The following CFAP77 variants were observed in gnomAD, a reference collection of about 807,000 sequenced individuals.
CFAP77 encodes the protein cilia- and flagella-associated protein 77.
In CFAP77, 25 loss-of-function variants were observed where a neutral mutation model predicts 31.1. The ratio of observed to expected loss-of-function variants is 0.80; its 90% confidence interval spans 0.59 to 1.12. The LOEUF (loss-of-function observed/expected upper bound fraction) is 1.12. Ranked by LOEUF, CFAP77 falls within the 50% of genes most tolerant of loss-of-function variation. The probability of loss-of-function intolerance (pLI) is 0.00; values close to 1 mark genes in which losing one functional copy is unlikely to be tolerated. For synonymous variants in CFAP77, 151 were observed against 159.9 expected, an observed-to-expected ratio of 0.94 and a Z score of 0.42; for missense variants, 377 against 397.3, an observed-to-expected ratio of 0.95 and a Z score of 0.44.
intron 3 of CFAP77, among the ~76,000 whole-genome samples, 196 bp from the exon 4 acceptor site, chr9:132,537,405 A>G (rs901529567): frequency 2.6e-5 from 4 of 152,178 alleles, no homozygotes; most frequent in Non-Finnish European, 4.4e-5. Context: ...CCACCGTCCC[A>G]GGCCCACCAC....
chr9:132,570,460 C>T (rs900660715), intron 5 of CFAP77, among the ~76,000 whole-genome samples: 80 of 152,332 alleles, frequency 5.3e-4, no homozygotes, highest in Non-Finnish European at 4.0e-4. Context: ...GCTGGGACTA[C>T]GACTGGTGCT....
Position 132,420,219 on chromosome 9 carries a change from G to C in CFAP77, c.195+9753G>C, listed in dbSNP as rs115144595. ...AGAGGCCAGAATGCCACGTTTAAGC[G>C]TTGAGGCAGGAGCAGTATTGGGGCT... On this transcript the variant is annotated intron_variant, in intron 1 of 5. Transcript: ENST00000393216. Among the ~76,000 whole-genome samples, 6 of 151,452 alleles carry C rather than the reference G, an allele frequency of 4.0e-5. No homozygotes were observed. In the East Asian group the frequency reaches 1.2e-3, roughly 30 times the overall value.
At chr9:132,560,104 G>A (rs1345814945) in intron 5 of CFAP77, among the ~76,000 whole-genome samples, 1 of 152,204 alleles carries the variant, frequency 6.6e-6, no homozygotes, top group Non-Finnish European at 1.5e-5. Context: ...GGGTGTGGAG[G>A]TGGGTTGTAC....
At position 132,541,571 on chromosome 9, in the gene CFAP77, A is replaced by G. The variant is rs546379611; in HGVS notation, c.631-1375A>G. On this transcript the variant is annotated intron_variant, in intron 4 of 5. Transcript: ENST00000393216. ...AAACCCTGTCTTTACTAAAAACACA[A>G]AAATTAGCTGGGCGTGGTGGTGGTT... Among the ~76,000 whole-genome samples the G allele has an allele frequency of 9.3e-4, 141 of 152,304 alleles. 1 individual carries two copies. Among genetic ancestry groups the G allele is most frequent in the African/African-American group, 3.2e-3 (131 of 41,572 alleles).
At position 132,451,561 on chromosome 9, in the gene CFAP77, G is replaced by A. The variant is rs115008397; in HGVS notation, c.195+41095G>A. Among the ~76,000 whole-genome samples the A allele has an allele frequency of 8.2e-5, 12 of 147,048 alleles. 1 individual carries two copies. The highest frequency in any genetic ancestry group is 6.6e-4 in the South Asian group (3 of 4,580). On this transcript the variant is annotated intron_variant, in intron 1 of 5. Coordinates refer to ENST00000393216, the MANE Select transcript of CFAP77 (RefSeq NM_001282957.2). ...TCATTTGAACTAGTGAGTGTACCTC[G>A]TCAGCCACCCAGCATCTACACTGCC... is the stretch of plus-strand genomic sequence containing the variant.
intron 1 of CFAP77, among the ~76,000 whole-genome samples, chr9:132,453,498 C>T (rs1850865393): frequency 6.6e-6 from 1 of 152,204 alleles, no homozygotes; most frequent in Admixed American, 6.5e-5. Flanking sequence ...TGCACTCCAG[C>T]CTGGGCGACA....
intron 5 of CFAP77, among the ~76,000 whole-genome samples, chr9:132,560,002 T>A (rs1032211142): frequency 2.0e-5 from 3 of 151,982 alleles, no homozygotes; most frequent in Admixed American, 2.0e-4. Flanking sequence ...AGGAAATAGA[T>A]TAGTGGTTGC....
At chr9:132,442,691 T>G (rs893316103) in intron 1 of CFAP77, among the ~76,000 whole-genome samples, 2 of 152,044 alleles carry the variant, frequency 1.3e-5, no homozygotes, top group Non-Finnish European at 2.9e-5. Flanking sequence ...TCGCATGATA[T>G]TCGATCATTT....
intron 3 of CFAP77, among the ~76,000 whole-genome samples, chr9:132,524,057 G>C (rs1409260054): frequency 6.6e-6 from 1 of 151,814 alleles, no homozygotes; most frequent in Middle Eastern, 3.2e-3. Context: ...GGCTGGTCTT[G>C]AACTCCTGAG....
intron 5 of CFAP77, among the ~76,000 whole-genome samples, chr9:132,555,761 G>A (rs1410897408): frequency 1.3e-5 from 2 of 152,072 alleles, no homozygotes; most frequent in East Asian, 1.9e-4. Context: ...CCCCAGCCCT[G>A]TGTGGTCCTG....
At chr9:132,530,518 G>GC (rs775186452) in intron 3 of CFAP77, among the ~76,000 whole-genome samples, 1 of 152,068 alleles carries the variant, frequency 6.6e-6, no homozygotes, top group Admixed American at 6.6e-5. Context: ...CAGGTGATCT[G>GC]CCCCCCTCGG....
intron 1 of CFAP77, among the ~76,000 whole-genome samples, chr9:132,459,113 C>G (rs868632895): frequency 3.5e-4 from 53 of 151,396 alleles, no homozygotes; most frequent in African/African-American, 1.1e-3. Context: ...GCTCTGTTGC[C>G]CAGGCTGGAG....
chr9:132,433,146 G>A (rs1850442257), intron 1 of CFAP77, among the ~76,000 whole-genome samples: 1 of 152,242 alleles, frequency 6.6e-6, no homozygotes, highest in African/African-American at 2.4e-5. Flanking sequence ...CACCATGTCA[G>A]GACCCTTGAT....
rs905364045 is a variant in CFAP77, at chr9:132,565,648, T to C, written c.733-6740T>C. ...CCCCTTCTTAAAAAAAAAAAGAAGA[T>C]AGCTCTTGTCTAAATGTCACAAACA... On this transcript the variant is annotated intron_variant, in intron 5 of 5. Coordinates refer to ENST00000393216, the MANE Select transcript of CFAP77 (RefSeq NM_001282957.2). This position sits in a 1 kb window ranked among gnomAD's most constrained non-coding sequence, Gnocchi z 4.1. 4.6e-5 allele frequency among the ~76,000 whole-genome samples: 7 copies of C among 151,830 alleles called. No homozygotes were observed. Among genetic ancestry groups the C allele is most frequent in the Non-Finnish European group, 1.0e-4 (7 of 67,954 alleles).
intron 1 of CFAP77, among the ~76,000 whole-genome samples, chr9:132,434,739 C>A (rs1850474093): frequency 6.6e-6 from 1 of 152,124 alleles, no homozygotes; most frequent in Admixed American, 6.5e-5. Flanking sequence ...ATGAGCAGTG[C>A]AAACGGATAT....
At chr9:132,503,132 C>T (rs1298947924) in intron 3 of CFAP77, among the ~76,000 whole-genome samples, 4 of 152,202 alleles carry the variant, frequency 2.6e-5, no homozygotes, top group African/African-American at 4.8e-5. Context: ...CTTGGAAAGT[C>T]ACTTCGGGGC....
chr9:132,525,169 G>A (rs1852337183), intron 3 of CFAP77, among the ~76,000 whole-genome samples: 1 of 151,542 alleles, frequency 6.6e-6, no homozygotes, highest in African/African-American at 2.4e-5. Flanking sequence ...ACAGGCATGC[G>A]CCACCACGCC....
At chr9:132,463,223 A>T (rs2131727935) in intron 1 of CFAP77, among the ~76,000 whole-genome samples, 1 of 152,324 alleles carries the variant, frequency 6.6e-6, no homozygotes, top group Admixed American at 6.5e-5. Flanking sequence ...ATGACATTTT[A>T]AAATGTGAGT....
chr9:132,491,255 G>A (rs1401094246), intron 1 of CFAP77, among the ~76,000 whole-genome samples: 1 of 152,194 alleles, frequency 6.6e-6, no homozygotes, highest in Non-Finnish European at 1.5e-5. Context: ...ATCACTTGAG[G>A]TCAGGAGTTC....
Sources: gnomAD v4.1 joint callset for allele counts (sites outside exome capture counted in the v4.1 genomes callset) on GRCh38, gnomAD v4.1.1 for gene constraint, Gnocchi (gnomAD v3.1) non-coding constraint, MANE v1.5 for transcripts, NCBI Gene and HGNC (gene_info 2026-07-23, HGNC 2026-07-21) for gene names.